MYH10: variants seen among roughly 807,000 people sequenced by gnomAD.
MYH10 encodes myosin heavy chain 10.
A neutral mutation model predicts 257.8 loss-of-function variants in MYH10; 55 were observed. The observed-to-expected ratio is 0.21, with a 90% CI of 0.17 to 0.27. The LOEUF (loss-of-function observed/expected upper bound fraction) is 0.27. MYH10 is among the 10% of genes least tolerant of loss of function. The pLI is 1.00. For synonymous variants in MYH10, 854 were observed against 921.7 expected, an observed-to-expected ratio of 0.93 and a Z score of 1.33; for missense variants, 1,631 against 2,500.6, an observed-to-expected ratio of 0.65 and a Z score of 7.42.
At chr17:8,549,846 G>C (rs1413071547) in intron 9 of MYH10, among the ~76,000 whole-genome samples, 2 of 150,422 alleles carry the variant, frequency 1.3e-5, no homozygotes, top group Non-Finnish European at 3.0e-5. Flanking sequence ...TTGAAAGCTC[G>C]CGCCGCCACG....
At chr17:8,559,231 G>A (rs1241527739) in intron 7 of MYH10, among the ~76,000 whole-genome samples, 3 of 151,820 alleles carry the variant, frequency 2.0e-5, no homozygotes, top group South Asian at 2.1e-4. Context: ...TTCATCTTCC[G>A]GTTCATCCAA....
chr17:8,492,213 G>T, intron 34 of MYH10, 84 bp downstream of exon 34: 1 of 1,361,132 alleles, frequency 7.3e-7, no homozygotes, highest in Non-Finnish European at 1.0e-6. Flanking sequence ...AGGCTCCCCT[G>T]AGGAGTCGCC....
Position 8,499,258 on chromosome 17 carries a change from T to C in MYH10, c.3951+12A>G. ...CAGTGGGACGTGTGTAGAGCGGAGG[T>C]TTCTGGCTTACCTGCAGCTTACTTG... On this transcript the variant is annotated intron_variant, in intron 30 of 42. Coordinates refer to ENST00000360416, the MANE Select transcript of MYH10 (RefSeq NM_001256012.3). 6.4e-7 allele frequency: 1 copy of C among 1,554,406 alleles called. No homozygotes were observed. The highest frequency in any genetic ancestry group is 8.7e-7 in the Non-Finnish European group (1 of 1,147,126).
At chr17:8,502,480 T>TTTTGTGTGTGTGTG (rs112732919) in intron 28 of MYH10, among the ~76,000 whole-genome samples, 2 of 150,142 alleles carry the variant, frequency 1.3e-5, no homozygotes, top group Admixed American at 6.6e-5. Flanking sequence ...GGGAAAATAG[T>TTTTGTGTGTGTGTG]TGTGTGTGTG....
At chr17:8,525,445 G>T (rs1402606736) in intron 17 of MYH10, among the ~76,000 whole-genome samples, 1 of 152,240 alleles carries the variant, frequency 6.6e-6, no homozygotes, top group African/African-American at 2.4e-5. Flanking sequence ...CAATCTCCCA[G>T]CCCCAGATGT....
intron 7 of MYH10, among the ~76,000 whole-genome samples, chr17:8,559,404 TG>T: frequency 2.4e-5 from 1 of 42,196 alleles, no homozygotes. Flanking sequence ...ATGCAATATT[TG>T]GGGTGATATA....
chr17:8,481,390 T>C lies in MYH10; in HGVS notation c.5196A>G (p.Arg1732=). Residue 1732 remains arginine, a synonymous_variant, in exon 38 of 43, where the codon CGA becomes CGG. Coordinates refer to ENST00000360416, the MANE Select transcript of MYH10 (RefSeq NM_001256012.3). ...TCTCCTGCTCGGCGTGTCGGCGGGCTCGCTCAGATGAGGCAAGTTCCTAAG... is the reference window on the plus strand; with the variant it reads ...TCTCCTGCTCGGCGTGTCGGCGGGCCCGCTCAGATGAGGCAAGTTCCTAAG... The part of the protein sequence containing the change: ...QLQEELASSE[R]ARRHAEQERD... 1 of 1,614,062 alleles carries C rather than the reference T, an allele frequency of 6.2e-7. No homozygotes were observed. The highest frequency in any genetic ancestry group is 8.5e-7 in the Non-Finnish European group (1 of 1,179,998).
Position 8,591,719 on chromosome 17 carries a change from G to A in MYH10, c.503-2611C>T, listed in dbSNP as rs186775250. 7.1e-4 allele frequency among the ~76,000 whole-genome samples: 108 copies of A among 152,212 alleles called. 1 individual carries two copies. Among genetic ancestry groups the A allele is most frequent in the Non-Finnish European group, 1.5e-4 (10 of 68,012 alleles). ...GCTATTATCAATGTCTAAAATTTGA[G>A]ACCTACACTACAGCCTGCTGCATAC... On this transcript the variant is annotated intron_variant, in intron 3 of 42. Coordinates refer to ENST00000360416, the MANE Select transcript of MYH10 (RefSeq NM_001256012.3).
intron 25 of MYH10, 33 bp downstream of exon 25, chr17:8,509,779 T>TA (rs753436900): frequency 2.3e-5 from 36 of 1,572,954 alleles, no homozygotes; most frequent in Middle Eastern, 3.4e-4. Flanking sequence ...TTTCTGTAAC[T>TA]AAAATCAGCT....
At chr17:8,517,059 T>A (rs1251164802) in intron 21 of MYH10, among the ~76,000 whole-genome samples, 2 of 152,090 alleles carry the variant, frequency 1.3e-5, no homozygotes, top group African/African-American at 4.8e-5. Context: ...GAGAATGGCA[T>A]GAACCCAGGA....
intron 6 of MYH10, among the ~76,000 whole-genome samples, chr17:8,572,338 TC>T (rs975724751): frequency 2.0e-5 from 3 of 151,882 alleles, no homozygotes; most frequent in Admixed American, 2.0e-4. Flanking sequence ...CCTGGTTGTA[TC>T]CCCTGTGCCT....
intron 37 of MYH10, among the ~76,000 whole-genome samples, chr17:8,481,890 T>A (rs893494983): frequency 6.6e-6 from 1 of 152,132 alleles, no homozygotes; most frequent in Admixed American, 6.5e-5. Context: ...AATGCTCCCA[T>A]GGAGAGGAGG....
rs762983384 is a variant in MYH10 at position 8,490,527 on chromosome 17, C to T, written c.4697G>A (p.Arg1566Gln). 1.2e-5 allele frequency: 19 copies of T among 1,614,030 alleles called. No individual in the cohort carries two copies. Among genetic ancestry groups the T allele is most frequent in the Non-Finnish European group, 1.5e-5 (18 of 1,180,014 alleles). The change falls in exon 35 of 43, where the codon CGG (arginine) becomes CAG (glutamine). Residue 1566 changes from arginine (R) to glutamine (Q), a missense_variant. Coordinates refer to ENST00000360416, the MANE Select transcript of MYH10 (RefSeq NM_001256012.3). The surrounding 1 kb of genome is among the most constrained non-coding windows in gnomAD (Gnocchi z 4.1). ...TTCCTCCACCTGCTGCTCTAGGGCCCGTTTGGATTTTTCAAGTTCGTGAAC... is the reference window on the plus strand; with the variant it reads ...TTCCTCCACCTGCTGCTCTAGGGCCTGTTTGGATTTTTCAAGTTCGTGAAC... ...KNVHELEKSK[R>Q]ALEQQVEEMR...
At chr17:8,516,266 ATGTCCTCCAG>A (rs1346932186) in intron 21 of MYH10, among the ~76,000 whole-genome samples, 4 of 152,182 alleles carry the variant, frequency 2.6e-5, no homozygotes, top group Non-Finnish European at 5.9e-5. Flanking sequence ...CCTTATCCCA[ATGTCCTCCAG>A]GGTGCTTCAA....
At chr17:8,585,714 GA>G (rs2083894065) in intron 4 of MYH10, among the ~76,000 whole-genome samples, 1 of 152,108 alleles carries the variant, frequency 6.6e-6, no homozygotes, top group Non-Finnish European at 1.5e-5. Context: ...GGGGGGACAG[GA>G]GAAGGAACTT....
At chr17:8,476,014 C>T in intron 42 of MYH10, 66 bp from the exon 43 acceptor site, 1 of 1,534,558 alleles carries the variant, frequency 6.5e-7, no homozygotes, top group Non-Finnish European at 8.8e-7. Context: ...TCAATATGTT[C>T]AACCACTCAA....
At chr17:8,508,719 A>G in intron 25 of MYH10, 42 bp from the exon 26 acceptor site, 21 of 1,610,724 alleles carry the variant, frequency 1.3e-5, no homozygotes, top group Non-Finnish European at 1.8e-5. Context: ...GCCATTCAGA[A>G]TGACCACTTG....
chr17:8,627,748 A>G (rs2085738369), intron 1 of MYH10, among the ~76,000 whole-genome samples: 1 of 152,224 alleles, frequency 6.6e-6, no homozygotes, highest in Admixed American at 6.5e-5. Flanking sequence ...TGATTTTTAA[A>G]ACAGCAGATA....
At chr17:8,478,680 C>T (rs1166419506) in intron 40 of MYH10, among the ~76,000 whole-genome samples, 2 of 152,266 alleles carry the variant, frequency 1.3e-5, no homozygotes, top group Non-Finnish European at 2.9e-5. Flanking sequence ...TATTCCTGCA[C>T]GTGTAGGTGT....
Sources: allele counts gnomAD v4.1 joint callset (sites outside exome capture counted in the v4.1 genomes callset), GRCh38; gene constraint gnomAD v4.1.1; non-coding constraint Gnocchi (gnomAD v3.1); transcripts MANE v1.5; gene names NCBI Gene and HGNC (gene_info 2026-07-23, HGNC 2026-07-21).